Variants in CSMD1 observed in about 807,000 individuals in gnomAD.
The protein encoded by CSMD1 is CUB and Sushi multiple domains 1, also known as CUB and sushi domain-containing protein 1.
CSMD1 carries 213 observed loss-of-function variants against 417.5 expected under a neutral mutation model. That is an observed-to-expected ratio of 0.51 (90% CI 0.46 to 0.57). The LOEUF is 0.57. Among genes scored for constraint, CSMD1 ranks in the 20% least tolerant of loss-of-function variants. CSMD1 has a pLI of 0.00. For missense variants in CSMD1, 6,923 were observed against 4,529.7 expected (o/e 1.53, Z -15.17); for synonymous variants, 2,862 against 1,736.8 (o/e 1.65, Z -16.11).
intron 5 of CSMD1, among the ~76,000 whole-genome samples, chr8:3,815,749 A>C (rs977675699): frequency 6.6e-6 from 1 of 152,032 alleles, no homozygotes; most frequent in African/African-American, 2.4e-5. Flanking sequence ...CATAACATGG[A>C]AAGTCATAAA....
intron 23 of CSMD1, among the ~76,000 whole-genome samples, chr8:3,335,405 T>C (rs1046103873): frequency 2.1e-4 from 32 of 152,126 alleles, no homozygotes; most frequent in African/African-American, 6.8e-4. Context: ...TGGCCAGGCA[T>C]GGTGGCTCAC....
chr8:4,578,827 A>C (rs987998102), intron 2 of CSMD1, among the ~76,000 whole-genome samples: 13 of 150,578 alleles, frequency 8.6e-5, no homozygotes, highest in African/African-American at 3.2e-4. Context: ...AAAAAAAAAA[A>C]AACAAACCTA....
chr8:3,549,429 G>A (rs1798815802), intron 10 of CSMD1, among the ~76,000 whole-genome samples: 2 of 152,168 alleles, frequency 1.3e-5, no homozygotes, highest in Admixed American at 1.3e-4. Context: ...GAATGTTTAT[G>A]GCCTTTGAGG....
rs547202949 is a variant in CSMD1, at chr8:3,273,039, G to T, written c.4153+11105C>A. On this transcript the variant is annotated intron_variant, in intron 26 of 69. Coordinates refer to ENST00000635120, the MANE Select transcript of CSMD1 (RefSeq NM_033225.6). ...TTCAAAGGGAATGCTTCTAGTTTTT[G>T]CCCATTCGGTATGATATTGGCTGTG... 3.9e-5 allele frequency among the ~76,000 whole-genome samples: 6 copies of T among 152,052 alleles called. No homozygotes were observed. In the South Asian group the frequency reaches 1.2e-3, roughly 32 times the overall value.
chr8:4,189,069 A>C (rs1171797448), intron 3 of CSMD1, among the ~76,000 whole-genome samples: 1 of 152,202 alleles, frequency 6.6e-6, no homozygotes, highest in Non-Finnish European at 1.5e-5. Flanking sequence ...AGTGAAAGTT[A>C]ATTATCTAGT....
chr8:3,412,959 C>T (rs1307887870), intron 12 of CSMD1, among the ~76,000 whole-genome samples: 2 of 152,158 alleles, frequency 1.3e-5, no homozygotes, highest in East Asian at 1.9e-4. Context: ...CCTGGCATAG[C>T]ACAAATCTGT....
chr8:4,428,901 G>C (rs1297272700), intron 2 of CSMD1, among the ~76,000 whole-genome samples: 1 of 151,856 alleles, frequency 6.6e-6, no homozygotes, highest in Non-Finnish European at 1.5e-5. Context: ...TTTTAACAGA[G>C]ACAGGGTTTC....
chr8:3,072,077 A>T (rs1359433769), intron 49 of CSMD1, among the ~76,000 whole-genome samples: 1 of 152,248 alleles, frequency 6.6e-6, no homozygotes, highest in African/African-American at 2.4e-5. Context: ...ATTTTTTAGA[A>T]GAAAATCAAT....
intron 3 of CSMD1, among the ~76,000 whole-genome samples, chr8:4,313,338 C>A (rs1246134328): frequency 7.0e-6 from 1 of 141,962 alleles, no homozygotes; most frequent in Non-Finnish European, 1.5e-5. Context: ...AGGAATCCAT[C>A]ATGGGGGTAG....
At chr8:3,683,367 C>T (rs117312475) in intron 7 of CSMD1, among the ~76,000 whole-genome samples, 2,293 of 152,110 alleles carry the variant, frequency 0.015, 26 homozygotes, top group Non-Finnish European at 0.023. Context: ...CACGAGTGAG[C>T]TGTTTATTCT....
At chr8:3,790,675 G>C (rs555607797) in intron 5 of CSMD1, among the ~76,000 whole-genome samples, 2 of 152,114 alleles carry the variant, frequency 1.3e-5, no homozygotes, top group Non-Finnish European at 2.9e-5. Context: ...GTTGTTAACA[G>C]GGTTTGTTTT....
chr8:4,561,676 T>A (rs1410850261), intron 2 of CSMD1, among the ~76,000 whole-genome samples: 4 of 152,150 alleles, frequency 2.6e-5, no homozygotes, highest in African/African-American at 9.6e-5. Flanking sequence ...AGTGAGACTC[T>A]GTTAAAAGAA....
chr8:3,696,044 A>G (rs1046266100), intron 7 of CSMD1, among the ~76,000 whole-genome samples: 9 of 152,080 alleles, frequency 5.9e-5, no homozygotes, highest in Non-Finnish European at 1.5e-5. Context: ...CACACGTGCA[A>G]AAAAAAGCTG....
At chr8:3,026,500 C>T (rs1010396730) in intron 51 of CSMD1, among the ~76,000 whole-genome samples, 2 of 147,318 alleles carry the variant, frequency 1.4e-5, no homozygotes, top group Non-Finnish European at 3.1e-5. Flanking sequence ...CTGGGCCTCA[C>T]TGGACCTCAC....
chr8:4,814,463 T>C, intron 1 of CSMD1, among the ~76,000 whole-genome samples: 1 of 152,188 alleles, frequency 6.6e-6, no homozygotes, highest in East Asian at 1.9e-4. Flanking sequence ...GCCAAGGTGA[T>C]CTCGAACTCC....
chr8:3,638,013 T>C (rs575110556), intron 7 of CSMD1, among the ~76,000 whole-genome samples: 1 of 152,194 alleles, frequency 6.6e-6, no homozygotes, highest in South Asian at 2.1e-4. Context: ...CCATTAAACC[T>C]ATTTTTCATT....
intron 5 of CSMD1, among the ~76,000 whole-genome samples, chr8:3,803,997 G>A (rs766927596): frequency 4.6e-5 from 7 of 151,938 alleles, no homozygotes; most frequent in African/African-American, 1.7e-4. Flanking sequence ...GCGTGATCTC[G>A]GCTCACTGCA....
intron 1 of CSMD1, among the ~76,000 whole-genome samples, chr8:4,838,477 C>T (rs1800633768): frequency 6.6e-6 from 1 of 152,214 alleles, no homozygotes; most frequent in Non-Finnish European, 1.5e-5. Flanking sequence ...GATGAAGATG[C>T]TTCAAACAAA....
At chr8:4,063,834 G>A (rs1207392615) in intron 3 of CSMD1, among the ~76,000 whole-genome samples, 6 of 152,202 alleles carry the variant, frequency 3.9e-5, no homozygotes, top group Non-Finnish European at 8.8e-5. Flanking sequence ...TGGTAAGAAG[G>A]AACCAGGAGT....
Sources: allele counts gnomAD v4.1 joint callset (sites outside exome capture counted in the v4.1 genomes callset), GRCh38; gene constraint gnomAD v4.1.1; transcripts MANE v1.5; gene names NCBI Gene and HGNC (gene_info 2026-07-23, HGNC 2026-07-21).